The following ASIC3 variants were observed in gnomAD, a reference collection of about 807,000 sequenced individuals.
ASIC3 encodes the protein acid sensing ion channel subunit 3.
ASIC3 carries 46 observed loss-of-function variants against 58.6 expected under a neutral mutation model. The ratio of observed to expected loss-of-function variants is 0.79; its 90% confidence interval spans 0.62 to 1.00. The LOEUF is 1.00. ASIC3 is among the 50% of genes least tolerant of loss of function. ASIC3 has a pLI of 0.00. For missense variants in ASIC3, 770 were observed against 735.0 expected (o/e 1.05, Z -0.55); for synonymous variants, 336 against 300.2 (o/e 1.12, Z -1.23).
At chr7:151,049,737 G>A (rs1218944922) in intron 1 of ASIC3, among the ~76,000 whole-genome samples, 3 of 152,088 alleles carry the variant, frequency 2.0e-5, no homozygotes, top group Non-Finnish European at 4.4e-5. Flanking sequence ...CCATTCTGGG[G>A]CAGAAGACCC....
chr7:151,050,467 T>C lies in ASIC3; in HGVS notation c.686-14T>C. On this transcript the variant is annotated splice_polypyrimidine_tract_variant and intron_variant, in intron 2 of 10. Coordinates refer to ENST00000349064, the MANE Select transcript of ASIC3 (RefSeq NM_004769.4). ...GACCACACAGGTCAGGCCTCACAGG[T>C]CCCTCCCCGACAGAGGAGACCCCGT... The C allele has an allele frequency of 6.2e-7, 1 of 1,612,662 alleles. No homozygotes were observed. The highest frequency in any genetic ancestry group is 8.5e-7 in the Non-Finnish European group (1 of 1,179,444).
chr7:151,051,029 G>C lies in ASIC3; in HGVS notation c.1010-10G>C. On this transcript the variant is annotated splice_polypyrimidine_tract_variant and intron_variant, in intron 4 of 10. Transcript: ENST00000349064. ...GGCTGCTTCTAAAGCCATCTCCCCG[G>C]TACCCGCAGGCGACGTGCCAGTGTG... 1.2e-6 allele frequency: 2 copies of C among 1,613,270 alleles called. No individual in the cohort carries two copies. The highest frequency in any genetic ancestry group is 1.7e-6 in the Non-Finnish European group (2 of 1,179,992).
Position 151,050,117 on chromosome 7 carries a change from G to A in ASIC3, c.546G>A (p.Arg182=). The change falls in exon 2 of 11, where the codon CGG becomes CGA. Residue 182 remains arginine (R), a synonymous_variant. Coordinates refer to ENST00000349064, the MANE Select transcript of ASIC3 (RefSeq NM_004769.4). ...GPENFTTIFT[R]MGKCYTFNSG... Reference sequence around the variant, plus strand: ...TCTGCCCGCCCCAGATCTTCACCCGGATGGGAAAGTGCTACACATTTAACT... The same window carrying A: ...TCTGCCCGCCCCAGATCTTCACCCGAATGGGAAAGTGCTACACATTTAACT... 1.2e-6 allele frequency: 2 copies of A among 1,614,180 alleles called. No homozygotes were observed. The highest frequency in any genetic ancestry group is 1.7e-6 in the Non-Finnish European group (2 of 1,180,026).
Position 151,052,583 on chromosome 7 carries a change from C to T in ASIC3, c.1527C>T (p.Thr509=), listed in dbSNP as rs1485361433. The T allele has an allele frequency of 2.5e-6, 4 of 1,614,044 alleles. No homozygotes were observed. Among genetic ancestry groups the T allele is most frequent in the Non-Finnish European group, 3.4e-6 (4 of 1,179,944 alleles). The change falls in exon 11 of 11, where the codon ACC becomes ACT. Residue 509 remains threonine (T), a synonymous_variant. Coordinates refer to ENST00000349064, the MANE Select transcript of ASIC3 (RefSeq NM_004769.4). The surrounding 1 kb of genome is among the most constrained non-coding windows in gnomAD (Gnocchi z 5.0). ...PHLSLGPRPP[T]PPCAVTKTLS... ...CTGCTCTGTTCCGAAGACCTCCCACCCCTCCCTGTGCCGTCACCAAGACTC... is the reference window on the plus strand; with the variant it reads ...CTGCTCTGTTCCGAAGACCTCCCACTCCTCCCTGTGCCGTCACCAAGACTC...
intron 1 of ASIC3, 167 bp from the exon 2 acceptor site, chr7:151,049,939 C>T: frequency 1.2e-6 from 1 of 862,642 alleles, no homozygotes; most frequent in Non-Finnish European, 1.8e-6. Context: ...GATGGGCTCC[C>T]AAGAGCGTCC....
chr7:151,049,221 T>C lies in ASIC3; in HGVS notation c.336T>C (p.Ser112=), dbSNP rs142151024. 3.1e-6 allele frequency: 5 copies of C among 1,612,146 alleles called. No individual in the cohort carries two copies. The African/African-American group carries it at 5.3e-5, about 17-fold the overall frequency. The part of the protein sequence containing the change: ...LTPNDLHWAG[S]ALLGLDPAEH... ...CCAACGACCTGCACTGGGCTGGGTC[T>C]GCGCTGCTGGGCCTGGATCCCGCAG... Residue 112 remains serine, a synonymous_variant, in exon 1 of 11, where the codon TCT becomes TCC. Transcript: ENST00000349064.
At position 151,051,202 on chromosome 7, in the gene ASIC3, GCCCCAA is replaced by G; in HGVS notation, c.1101_1106del (p.Asn368_Pro369del). 6.3e-7 allele frequency: 1 copy of G among 1,587,628 alleles called. No individual in the cohort carries two copies. The highest frequency in any genetic ancestry group is 8.5e-7 in the Non-Finnish European group (1 of 1,173,314). ...ATGCTTCGCAAGGACTCGTGCGCCT[GCCCCAA>G]CCCGTGCGCCAGCACGCGCTACGCC... On this transcript the variant is annotated inframe_deletion, in exon 6 of 11. Transcript: ENST00000349064.
chr7:151,050,929 G>C lies in ASIC3; in HGVS notation c.985G>C (p.Gly329Arg). ...AACCCGCTACGTGGCTCGGAAGTGC[G>C]GCTGCCGAATGGTGTACATGCCAGG... ...CETRYVARKCGCRMVYMPGDV... is the reference protein window; with the variant it reads ...CETRYVARKCRCRMVYMPGDV... Residue 329 changes from glycine (G) to arginine (R), a missense_variant, in exon 4 of 11, where the codon GGC becomes CGC. Transcript: ENST00000349064. The C allele has an allele frequency of 6.2e-7, 1 of 1,613,472 alleles. No individual in the cohort carries two copies. The highest frequency in any genetic ancestry group is 8.5e-7 in the Non-Finnish European group (1 of 1,180,028).
Position 151,050,211 on chromosome 7 carries a change from C to T in ASIC3, c.640C>T (p.Leu214=). 6.2e-7 allele frequency: 1 copy of T among 1,614,062 alleles called. No homozygotes were observed. Among genetic ancestry groups the T allele is most frequent in the African/African-American group, 1.3e-5 (1 of 75,042 alleles). The change falls in exon 2 of 11, where the codon CTG becomes TTG. Residue 214 remains leucine (L), a synonymous_variant. Transcript: ENST00000349064. ...CATGGGCAATGGGCTGGACATCATG[C>T]TGGACGTGCAGCAGGAGGAATATCT... ...GGMGNGLDIM[L]DVQQEEYLPV... is the part of the protein sequence containing the mutation.
chr7:151,049,347 G>GCACT lies in ASIC3; in HGVS notation c.464_467dup (p.Asp158ProfsTer3). 3.7e-6 allele frequency: 6 copies of GCACT among 1,612,754 alleles called. No homozygotes were observed. Among genetic ancestry groups the GCACT allele is most frequent in the Non-Finnish European group, 5.1e-6 (6 of 1,179,806 alleles). On this transcript the variant is annotated frameshift_variant, in exon 1 of 11. Coordinates refer to ENST00000349064, the MANE Select transcript of ASIC3 (RefSeq NM_004769.4). LOFTEE classifies it high-confidence loss of function. ...TGGCGCAACTCTATGCCCGTGCTGG[G>GCACT]CACTCCCTGGATGACATGCTGCTGG...
At position 151,050,203 on chromosome 7, in the gene ASIC3, ACAT is replaced by A; in HGVS notation, c.636_638del (p.Ile212del). 1 of 1,614,110 alleles carries A rather than the reference ACAT, an allele frequency of 6.2e-7. No individual in the cohort carries two copies. Among genetic ancestry groups the A allele is most frequent in the Non-Finnish European group, 8.5e-7 (1 of 1,179,974 alleles). On this transcript the variant is annotated inframe_deletion, in exon 2 of 11. Coordinates refer to ENST00000349064, the MANE Select transcript of ASIC3 (RefSeq NM_004769.4). ...AGGGGTGGCATGGGCAATGGGCTGG[ACAT>A]CATGCTGGACGTGCAGCAGGAGGAA...
chr7:151,049,191 A>C lies in ASIC3; in HGVS notation c.306A>C (p.Leu102=). 4 of 1,613,496 alleles carry C rather than the reference A, an allele frequency of 2.5e-6. No homozygotes were observed. Among genetic ancestry groups the C allele is most frequent in the Middle Eastern group, 1.6e-4 (1 of 6,062 alleles). Reference sequence around the variant, plus strand: ...TCAACCCACTGCGCCGCTCGCGCCTAACGCCCAACGACCTGCACTGGGCTG... The same window carrying C: ...TCAACCCACTGCGCCGCTCGCGCCTCACGCCCAACGACCTGCACTGGGCTG... ...CNINPLRRSR[L]TPNDLHWAGS... The change falls in exon 1 of 11, where the codon CTA becomes CTC. Residue 102 remains leucine, a synonymous_variant. Transcript: ENST00000349064.
At position 151,049,327 on chromosome 7, in the gene ASIC3, C is replaced by T. The variant is rs1443029752; in HGVS notation, c.442C>T (p.Gln148Ter). 6.2e-7 allele frequency: 1 copy of T among 1,613,090 alleles called. No homozygotes were observed. The highest frequency in any genetic ancestry group is 8.5e-7 in the Non-Finnish European group (1 of 1,179,996). Residue 148 changes from glutamine to a stop codon, truncating the protein, a stop_gained, in exon 1 of 11, where the codon CAA becomes TAA. Coordinates refer to ENST00000349064, the MANE Select transcript of ASIC3 (RefSeq NM_004769.4). LOFTEE classifies it high-confidence loss of function. Reference protein sequence around the residue: ...FMPSPTFDMAQLYARAGHSLD... With the variant: ...FMPSPTFDMA ...GCCCAGTCCCACCTTTGACATGGCG[C>T]AACTCTATGCCCGTGCTGGGCACTC...
At position 151,049,413 on chromosome 7, in the gene ASIC3, C is replaced by A. The variant is rs772479203; in HGVS notation, c.528C>A (p.Phe176Leu). The A allele has an allele frequency of 6.3e-6, 10 of 1,584,224 alleles. No individual in the cohort carries two copies. Among genetic ancestry groups the A allele is most frequent in the Non-Finnish European group, 8.6e-6 (10 of 1,164,696 alleles). Residue 176 changes from phenylalanine to leucine, a missense_variant, in exon 1 of 11, where the codon TTC becomes TTA. By Grantham distance (22) the Phe-to-Leu change is conservative (BLOSUM62 0). Transcript: ENST00000349064. ...FRGQPCGPEN[F>L]TTIFTRMGKC... ...GCCAACCTTGTGGGCCTGAGAACTT[C>A]ACCACGGTGAGCTGACCTCCCTACC... is the stretch of plus-strand genomic sequence containing the variant.
rs75042382 is a variant in ASIC3 at position 151,052,112 on chromosome 7, C to G, written c.1386+50C>G. The G allele has an allele frequency of 9.5e-4, 1,530 of 1,613,764 alleles. 19 individuals are homozygous for G. In the African/African-American group the frequency reaches 0.018, roughly 18 times the overall value. ...GGGTGGGAGGTGGGAATCAGGGCCC[C>G]TAGGATGAGGGGGAAGGTGTGCACT... On this transcript the variant is annotated intron_variant, in intron 8 of 10. Transcript: ENST00000349064. This position sits in a 1 kb window ranked among gnomAD's most constrained non-coding sequence, Gnocchi z 5.0.
chr7:151,049,766 G>C (rs1039762255), intron 1 of ASIC3, among the ~76,000 whole-genome samples: 1 of 150,542 alleles, frequency 6.6e-6, no homozygotes, highest in Non-Finnish European at 1.5e-5. Flanking sequence ...GCCAGGAGGT[G>C]GGGGGGGCTT....
chr7:151,050,237 A>T lies in ASIC3; in HGVS notation c.666A>T (p.Leu222=), dbSNP rs561583155. The T allele has an allele frequency of 2.5e-6, 4 of 1,613,494 alleles. No individual in the cohort carries two copies. Among genetic ancestry groups the T allele is most frequent in the Non-Finnish European group, 3.4e-6 (4 of 1,179,718 alleles). The change falls in exon 2 of 11, where the codon CTA becomes CTT. Residue 222 remains leucine (L), a synonymous_variant. Transcript: ENST00000349064. ...IMLDVQQEEY[L]PVWRDNEETP... Reference sequence around the variant, plus strand: ...TGGACGTGCAGCAGGAGGAATATCTACCTGTGTGGAGGGACAATGGTAGGG... The same window carrying T: ...TGGACGTGCAGCAGGAGGAATATCTTCCTGTGTGGAGGGACAATGGTAGGG...
In ASIC3 at chr7:151,052,638, GTC is replaced by G. The variant is rs762443641; in HGVS notation, c.1583_1584del (p.Val528AspfsTer36). The G allele has an allele frequency of 2.5e-6, 4 of 1,613,824 alleles. No individual in the cohort carries two copies. In the Admixed American group the frequency reaches 6.7e-5, roughly 27 times the overall value. ...LSASHRTCYLVTQL is the reference protein window; with the variant it reads ...LSASHRTCYLXTQL ...CGCCTCCCACCGCACCTGCTACCTTGTCACACAGCTCTAGACCTGCTGTCTGT... is the reference window on the plus strand; with the variant it reads ...CGCCTCCCACCGCACCTGCTACCTTGACACAGCTCTAGACCTGCTGTCTGT... On this transcript the variant is annotated frameshift_variant, in exon 11 of 11. Transcript: ENST00000349064. LOFTEE classifies it high-confidence loss of function. The surrounding 1 kb of genome is among the most constrained non-coding windows in gnomAD (Gnocchi z 5.0).
At position 151,050,748 on chromosome 7, in the gene ASIC3, C is replaced by G. The variant is rs1301004434; in HGVS notation, c.814-10C>G. On this transcript the variant is annotated splice_polypyrimidine_tract_variant and intron_variant, in intron 3 of 10. Coordinates refer to ENST00000349064, the MANE Select transcript of ASIC3 (RefSeq NM_004769.4). The stretch of plus-strand genomic sequence containing the variant: ...CTCCGGGAAGCCTCCTTAACCCTGT[C>G]CCCCCACAGCTGAGCTTCCTGCCAC... The G allele has an allele frequency of 3.1e-6, 5 of 1,612,232 alleles. No homozygotes were observed. Among genetic ancestry groups the G allele is most frequent in the South Asian group, 2.2e-5 (2 of 90,994 alleles).
Sources: allele counts gnomAD v4.1 joint callset (sites outside exome capture counted in the v4.1 genomes callset), GRCh38; gene constraint gnomAD v4.1.1; non-coding constraint Gnocchi (gnomAD v3.1); transcripts MANE v1.5; gene names NCBI Gene and HGNC (gene_info 2026-07-23, HGNC 2026-07-21).